The following CAB39L variants were observed in gnomAD, a reference collection of about 807,000 sequenced individuals.
CAB39L encodes calcium binding protein 39 like.
Under a neutral mutation model 39.1 loss-of-function variants are expected in CAB39L, and 23 were observed. The observed-to-expected ratio is 0.59, with a 90% CI of 0.42 to 0.83. The LOEUF is 0.83. Among genes scored for constraint, CAB39L ranks in the 40% least tolerant of loss-of-function variants. The probability of loss-of-function intolerance (pLI) is 0.00; values close to 1 mark genes in which losing one functional copy is unlikely to be tolerated. For missense variants in CAB39L, 366 were observed against 391.9 expected (o/e 0.93, Z 0.56); for synonymous variants, 126 against 137.2 (o/e 0.92, Z 0.57).
At chr13:49,369,564 G>C (rs1041033383) in intron 5 of CAB39L, among the ~76,000 whole-genome samples, 2 of 151,866 alleles carry the variant, frequency 1.3e-5, no homozygotes, top group East Asian at 3.9e-4. Flanking sequence ...ACAGGAAAAG[G>C]AGATGATTAC....
Position 49,308,824 on chromosome 13 carries a change from A to T in CAB39L, c.*1990T>A, listed in dbSNP as rs1177030091. ...TCCCCCTTTCACATTAATAACTTAC[A>T]AATTCAGATCACAACAAAACCCCAG... On this transcript the variant is annotated 3_prime_UTR_variant, in exon 11 of 11. Transcript: ENST00000409308. 1 of 152,542 alleles carries T rather than the reference A, an allele frequency of 6.6e-6. No individual in the cohort carries two copies. Among genetic ancestry groups the T allele is most frequent in the Non-Finnish European group, 1.5e-5 (1 of 68,020 alleles). 9.4% of individuals were successfully genotyped at this position (152,542 alleles called of 1,614,324 possible).
intron 1 of CAB39L, among the ~76,000 whole-genome samples, chr13:49,439,828 T>C (rs1345238943): frequency 1.3e-5 from 2 of 152,140 alleles, no homozygotes; most frequent in East Asian, 1.9e-4. Context: ...ATTTCTCTGA[T>C]GATTAGTGAT....
At chr13:49,423,759 C>T (rs1391941330) in intron 3 of CAB39L, among the ~76,000 whole-genome samples, 1 of 152,130 alleles carries the variant, frequency 6.6e-6, no homozygotes, top group African/African-American at 2.4e-5. Flanking sequence ...CCAGGTACAA[C>T]ACATGGAGAA....
In CAB39L at chr13:49,356,486, T is replaced by C. The variant is rs140617327; in HGVS notation, c.395+3228A>G. ...TAAGTCCTTATTTATAATCTTTTCA[T>C]AGAACTTGGGCTCCAAATACATTTT... is the stretch of plus-strand genomic sequence containing the variant. On this transcript the variant is annotated intron_variant, in intron 6 of 10. Transcript: ENST00000409308. Among the ~76,000 whole-genome samples the C allele has an allele frequency of 6.6e-5, 10 of 152,300 alleles. No individual in the cohort carries two copies. In the East Asian group the frequency reaches 1.9e-3, roughly 29 times the overall value.
At chr13:49,439,724 T>A (rs892899953) in intron 1 of CAB39L, among the ~76,000 whole-genome samples, 1 of 152,174 alleles carries the variant, frequency 6.6e-6, no homozygotes, top group African/African-American at 2.4e-5. Context: ...TTCCCTTTAC[T>A]CTGCAGCCTT....
chr13:49,415,352 T>TA (rs1231457346), intron 3 of CAB39L, among the ~76,000 whole-genome samples: 232 of 144,314 alleles, frequency 1.6e-3, no homozygotes, highest in African/African-American at 4.8e-3. Flanking sequence ...CCTTCTCTAC[T>TA]AAAAAAAAAA....
chr13:49,360,206 A>G (rs1955596331), intron 5 of CAB39L, among the ~76,000 whole-genome samples: 1 of 152,238 alleles, frequency 6.6e-6, no homozygotes, highest in Non-Finnish European at 1.5e-5. Flanking sequence ...ATGAATAAGG[A>G]AGGAAAACAG....
intron 3 of CAB39L, among the ~76,000 whole-genome samples, chr13:49,428,246 A>G (rs2138725548): frequency 6.6e-6 from 1 of 152,338 alleles, no homozygotes; most frequent in East Asian, 1.9e-4. Context: ...TCAGGCAGGA[A>G]TGCAATCATC....
chr13:49,350,516 C>T (rs1477514707), intron 7 of CAB39L, among the ~76,000 whole-genome samples: 1 of 152,192 alleles, frequency 6.6e-6, no homozygotes, highest in East Asian at 1.9e-4. Context: ...TACTGGAATT[C>T]ACTCCATTTG....
At chr13:49,368,605 C>A (rs12863860) in intron 5 of CAB39L, among the ~76,000 whole-genome samples, 2,373 of 152,156 alleles carry the variant, frequency 0.016, 19 homozygotes, top group Non-Finnish European at 0.025. Flanking sequence ...CAGAAATGGC[C>A]CAAAATGCCA....
At chr13:49,314,722 A>C (rs1954105861) in intron 10 of CAB39L, among the ~76,000 whole-genome samples, 1 of 152,132 alleles carries the variant, frequency 6.6e-6, no homozygotes, top group South Asian at 2.1e-4. Context: ...TCCTAGCACC[A>C]TCTCTTATTA....
intron 3 of CAB39L, among the ~76,000 whole-genome samples, chr13:49,388,613 G>A (rs1196950886): frequency 6.6e-6 from 1 of 152,144 alleles, no homozygotes; most frequent in Non-Finnish European, 1.5e-5. Flanking sequence ...AGATGAGATG[G>A]AATGAGGCCC....
chr13:49,374,950 T>A (rs1956015609), intron 5 of CAB39L, among the ~76,000 whole-genome samples: 1 of 152,150 alleles, frequency 6.6e-6, no homozygotes, highest in Admixed American at 6.5e-5. Flanking sequence ...AACAGAAAAT[T>A]TATAAAACTA....
At chr13:49,407,332 A>T (rs1956901390) in intron 3 of CAB39L, among the ~76,000 whole-genome samples, 1 of 152,220 alleles carries the variant, frequency 6.6e-6, no homozygotes. Context: ...TCATATTTAC[A>T]TTATTGAGTG....
intron 3 of CAB39L, among the ~76,000 whole-genome samples, chr13:49,396,606 G>C (rs1487280091): frequency 6.6e-6 from 1 of 151,930 alleles, no homozygotes; most frequent in African/African-American, 2.4e-5. Context: ...TACTCAGGAG[G>C]GTGAGGCAGG....
intron 3 of CAB39L, among the ~76,000 whole-genome samples, chr13:49,392,766 T>C (rs887834546): frequency 3.3e-5 from 5 of 152,156 alleles, no homozygotes; most frequent in African/African-American, 1.2e-4. Context: ...ATTTTCAGTT[T>C]AAATATGTTC....
intron 8 of CAB39L, among the ~76,000 whole-genome samples, chr13:49,342,898 A>G (rs779980607): frequency 8.5e-5 from 13 of 152,210 alleles, no homozygotes; most frequent in Non-Finnish European, 1.6e-4. Flanking sequence ...ATCATTTTCC[A>G]TATTGATTGT....
intron 10 of CAB39L, among the ~76,000 whole-genome samples, chr13:49,311,410 C>T (rs934214301): frequency 6.6e-6 from 1 of 152,174 alleles, no homozygotes; most frequent in Non-Finnish European, 1.5e-5. Flanking sequence ...TACTGGTTTA[C>T]GTATTTACTA....
At chr13:49,367,566 T>A (rs548898176) in intron 5 of CAB39L, among the ~76,000 whole-genome samples, 1 of 152,194 alleles carries the variant, frequency 6.6e-6, no homozygotes, top group East Asian at 1.9e-4. Flanking sequence ...AGTAGGTGAA[T>A]CTTCAATTTA....
Sources: gnomAD v4.1 joint callset for allele counts (sites outside exome capture counted in the v4.1 genomes callset) on GRCh38, gnomAD v4.1.1 for gene constraint, MANE v1.5 for transcripts, NCBI Gene and HGNC (gene_info 2026-07-23, HGNC 2026-07-21) for gene names.